The following ZNF385D variants were observed in gnomAD, a reference collection of about 807,000 sequenced individuals.
The protein encoded by ZNF385D is zinc finger protein 659.
ZNF385D carries 15 observed loss-of-function variants against 35.8 expected under a neutral mutation model. The ratio of observed to expected loss-of-function variants is 0.42; its 90% CI spans 0.28 to 0.64. The LOEUF is 0.64. Ranked by LOEUF, ZNF385D falls within the 30% of genes least tolerant of loss-of-function variation. ZNF385D has a pLI of 0.23. For missense variants in ZNF385D, 474 were observed against 494.6 expected (o/e 0.96, Z 0.39); for synonymous variants, 212 against 186.8 (o/e 1.13, Z -1.10).
At chr3:21,854,316 C>T (rs1377266661) in intron 3 of ZNF385D, among the ~76,000 whole-genome samples, 3 of 151,958 alleles carry the variant, frequency 2.0e-5, no homozygotes, top group Non-Finnish European at 2.9e-5. Flanking sequence ...TATTTACATC[C>T]TATTCCAACC....
intron 2 of ZNF385D, among the ~76,000 whole-genome samples, chr3:21,582,753 T>TTTTTTA (rs2063703740): frequency 6.6e-6 from 1 of 150,610 alleles, no homozygotes; most frequent in South Asian, 2.1e-4. Context: ...TTTTTAACAC[T>TTTTTTA]TTTATTTATT....
intron 3 of ZNF385D, among the ~76,000 whole-genome samples, chr3:22,164,730 TAATC>T (rs989834915): frequency 3.3e-5 from 5 of 152,002 alleles, no homozygotes; most frequent in Admixed American, 3.3e-4. Flanking sequence ...TTTCACCTGA[TAATC>T]ATCAGAAAAG....
At chr3:21,507,478 G>A (rs545556479) in intron 4 of ZNF385D, among the ~76,000 whole-genome samples, 28 of 152,190 alleles carry the variant, frequency 1.8e-4, no homozygotes, top group African/African-American at 6.7e-4. Context: ...AATCACAAAA[G>A]ATTCTTGTGC....
In ZNF385D at chr3:22,066,305, A is replaced by AGTGTGTGTGTGT. The variant is rs539082347; in HGVS notation, c.325+102500_325+102511dup. The stretch of plus-strand genomic sequence containing the variant: ...AAACAATGCTTCTTTGTAGCTAAGG[A>AGTGTGTGTGTGT]GTGTGTGTGTGTGTATGTGTGTGTA... On this transcript the variant is annotated intron_variant, in intron 3 of 5. Coordinates refer to the ZNF385D transcript ENST00000494108. Among the ~76,000 whole-genome samples the AGTGTGTGTGTGT allele has an allele frequency of 7.3e-3, 844 of 116,054 alleles. 7 individuals are homozygous for AGTGTGTGTGTGT. Among genetic ancestry groups the AGTGTGTGTGTGT allele is most frequent in the African/African-American group, 0.034 (804 of 23,686 alleles). The allele number at this position is 116,054 out of a possible 152,430, so 76.1% of individuals were successfully genotyped here. A position where few individuals can be genotyped will look rare whatever the true frequency, so the allele number is the denominator to read the frequency against.
intron 3 of ZNF385D, among the ~76,000 whole-genome samples, chr3:21,897,005 G>C (rs1427774575): frequency 1.3e-5 from 2 of 152,032 alleles, no homozygotes; most frequent in Non-Finnish European, 2.9e-5. Context: ...ATTAGAGTAT[G>C]GAATATTGGT....
At chr3:21,799,042 C>A (rs769918547) in intron 3 of ZNF385D, among the ~76,000 whole-genome samples, 1 of 152,086 alleles carries the variant, frequency 6.6e-6, no homozygotes, top group Non-Finnish European at 1.5e-5. Context: ...TCCATATAAG[C>A]GGAACTATAC....
intron 2 of ZNF385D, among the ~76,000 whole-genome samples, chr3:22,253,000 G>A (rs1468637080): frequency 6.6e-6 from 1 of 152,066 alleles, no homozygotes; most frequent in African/African-American, 2.4e-5. Flanking sequence ...CCATGAAGAT[G>A]ATTGTGCAGG....
chr3:21,948,278 T>C (rs1033274134), intron 3 of ZNF385D, among the ~76,000 whole-genome samples: 1 of 152,086 alleles, frequency 6.6e-6, no homozygotes, highest in African/African-American at 2.4e-5. Context: ...CATTCCAATA[T>C]TGGCTCTATG....
intron 2 of ZNF385D, among the ~76,000 whole-genome samples, chr3:22,372,024 G>A (rs1559547317): frequency 6.6e-6 from 1 of 152,144 alleles, no homozygotes. Context: ...CCCGAGGAGG[G>A]AGCACGCCTC....
At chr3:22,292,849 A>C (rs1702372195) in intron 2 of ZNF385D, among the ~76,000 whole-genome samples, 5 of 152,156 alleles carry the variant, frequency 3.3e-5, no homozygotes, top group Non-Finnish European at 4.4e-5. Context: ...AAAGAGAGAG[A>C]GAATTTTAAG....
intron 3 of ZNF385D, among the ~76,000 whole-genome samples, chr3:21,928,230 G>A (rs750086993): frequency 2.0e-4 from 29 of 148,478 alleles, no homozygotes; most frequent in Non-Finnish European, 3.0e-4. Flanking sequence ...ATGGACGGAC[G>A]GACAGACGGA....
intron 3 of ZNF385D, among the ~76,000 whole-genome samples, chr3:21,859,272 A>G (rs1696907043): frequency 6.6e-6 from 1 of 152,056 alleles, no homozygotes; most frequent in Non-Finnish European, 1.5e-5. Context: ...CCCTGCCCGC[A>G]GATTCACTTC....
Position 22,254,843 on chromosome 3 carries a change from C to A in ZNF385D, c.107-85808G>T, listed in dbSNP as rs185894228. On this transcript the variant is annotated intron_variant, in intron 2 of 5. Transcript: ENST00000494108. Reference sequence around the variant, plus strand: ...AGTAACCCTTCTTTTACTTAATAGTCCCAAAGTCCTTGTGCTTAGTCCCTG... The same window carrying A: ...AGTAACCCTTCTTTTACTTAATAGTACCAAAGTCCTTGTGCTTAGTCCCTG... Among the ~76,000 whole-genome samples, 32 of 151,726 alleles carry A rather than the reference C, an allele frequency of 2.1e-4. No homozygotes were observed. The East Asian group carries it at 6.0e-3, about 29-fold the overall frequency.
At chr3:22,267,025 A>G (rs1046754278) in intron 2 of ZNF385D, among the ~76,000 whole-genome samples, 7 of 151,980 alleles carry the variant, frequency 4.6e-5, no homozygotes, top group Non-Finnish European at 7.4e-5. Context: ...TTAAAGTGAA[A>G]CAAAAGTAGA....
At chr3:21,454,455 CT>C (rs1455007761) in intron 4 of ZNF385D, among the ~76,000 whole-genome samples, 5 of 152,040 alleles carry the variant, frequency 3.3e-5, no homozygotes, top group African/African-American at 1.2e-4. Context: ...TTTTTCTACC[CT>C]TCATTTCATT....
chr3:21,675,378 T>C (rs2066694103), intron 1 of ZNF385D, among the ~76,000 whole-genome samples: 1 of 152,024 alleles, frequency 6.6e-6, no homozygotes, highest in African/African-American at 2.4e-5. Flanking sequence ...ATACACTGGG[T>C]ACTGTACTGG....
intron 3 of ZNF385D, among the ~76,000 whole-genome samples, chr3:21,850,103 A>G (rs996416703): frequency 1.2e-4 from 19 of 152,118 alleles, no homozygotes; most frequent in African/African-American, 3.4e-4. Context: ...TTTATTATCA[A>G]TATGGACATG....
In ZNF385D at chr3:22,304,474, C is replaced by T. The variant is rs554809748; in HGVS notation, c.106+67976G>A. On this transcript the variant is annotated intron_variant, in intron 2 of 5. Coordinates refer to the ZNF385D transcript ENST00000494108. Reference sequence around the variant, plus strand: ...GGTATATTAGAGACTTTTCCCTTTACGTGTTACACATTTTAAAACAAATAA... The same window carrying T: ...GGTATATTAGAGACTTTTCCCTTTATGTGTTACACATTTTAAAACAAATAA... Among the ~76,000 whole-genome samples, 5 of 152,220 alleles carry T rather than the reference C, an allele frequency of 3.3e-5. No individual in the cohort carries two copies. In the East Asian group the frequency reaches 7.7e-4, roughly 24 times the overall value.
chr3:22,037,055 G>A (rs148903577), intron 3 of ZNF385D, among the ~76,000 whole-genome samples: 5,696 of 151,948 alleles, frequency 0.037, 395 homozygotes, highest in African/African-American at 0.13. Context: ...CATTTTTTAT[G>A]GCTGCATAGT....
Sources: allele counts gnomAD v4.1 joint callset (sites outside exome capture counted in the v4.1 genomes callset), GRCh38; gene constraint gnomAD v4.1.1; transcripts MANE v1.5; gene names NCBI Gene and HGNC (gene_info 2026-07-23, HGNC 2026-07-21).